The following GULP1 variants were observed in gnomAD, a reference collection of about 807,000 sequenced individuals.
GULP1 encodes the protein GULP PTB domain containing engulfment adaptor 1.
GULP1 carries 19 observed loss-of-function variants against 40.9 expected under a neutral mutation model. The observed-to-expected ratio is 0.46, with a 90% CI of 0.32 to 0.68. The LOEUF is 0.68. GULP1 is among the 30% of genes least tolerant of loss of function. The pLI, the probability that GULP1 is intolerant of heterozygous loss-of-function variation, is 0.03. For synonymous variants in GULP1, 119 were observed against 117.6 expected, an observed-to-expected ratio of 1.01 and a Z score of -0.08; for missense variants, 312 against 362.2, an observed-to-expected ratio of 0.86 and a Z score of 1.12.
chr2:188,478,741 T>C (rs1348030997), intron 3 of GULP1, among the ~76,000 whole-genome samples: 1 of 152,088 alleles, frequency 6.6e-6, no homozygotes, highest in Non-Finnish European at 1.5e-5. Context: ...TAAAAATGGC[T>C]GAAGAATAAA....
At chr2:188,389,529 C>A (rs1242344662) in intron 2 of GULP1, among the ~76,000 whole-genome samples, 1 of 152,016 alleles carries the variant, frequency 6.6e-6, no homozygotes, top group Non-Finnish European at 1.5e-5. Flanking sequence ...TATTATGAGT[C>A]TTAGTGTAAT....
At chr2:188,520,236 A>G (rs1263201977) in intron 4 of GULP1, among the ~76,000 whole-genome samples, 1 of 152,142 alleles carries the variant, frequency 6.6e-6, no homozygotes, top group Non-Finnish European at 1.5e-5. Context: ...TATTTCAAGC[A>G]TATTAAAAAA....
At chr2:188,360,483 G>A (rs972464620) in intron 1 of GULP1, among the ~76,000 whole-genome samples, 5 of 151,492 alleles carry the variant, frequency 3.3e-5, no homozygotes, top group African/African-American at 1.2e-4. Flanking sequence ...TCAAATCTTG[G>A]ATGCATCAAA....
intron 2 of GULP1, among the ~76,000 whole-genome samples, chr2:188,464,778 G>A (rs557487791): frequency 1.3e-5 from 2 of 152,294 alleles, no homozygotes; most frequent in East Asian, 1.9e-4. Context: ...GCCTCACCAT[G>A]TGGCCACTGC....
intron 2 of GULP1, among the ~76,000 whole-genome samples, chr2:188,442,638 C>G (rs771634352): frequency 5.3e-5 from 8 of 152,104 alleles, no homozygotes; most frequent in Non-Finnish European, 1.0e-4. Flanking sequence ...CTCACACTTT[C>G]TACTTAAATG....
chr2:188,413,198 C>A (rs200420580), intron 2 of GULP1, among the ~76,000 whole-genome samples: 3 of 152,174 alleles, frequency 2.0e-5, no homozygotes, highest in African/African-American at 7.2e-5. Flanking sequence ...GATGTGGCTT[C>A]TTCACATCAC....
At chr2:188,337,331 G>A (rs552683001) in intron 1 of GULP1, among the ~76,000 whole-genome samples, 2 of 151,174 alleles carry the variant, frequency 1.3e-5, no homozygotes, top group Non-Finnish European at 2.9e-5. Flanking sequence ...TAGAGATGGG[G>A]GTTTCATCAT....
At chr2:188,490,711 C>T (rs376568551) in intron 4 of GULP1, among the ~76,000 whole-genome samples, 2 of 152,064 alleles carry the variant, frequency 1.3e-5, no homozygotes, top group South Asian at 2.1e-4. Context: ...ACCTTCAGAG[C>T]ATCTAGTGAT....
intron 7 of GULP1, among the ~76,000 whole-genome samples, chr2:188,553,288 C>G (rs781361025): frequency 7.9e-5 from 12 of 151,878 alleles, no homozygotes; most frequent in Admixed American, 2.0e-4. Flanking sequence ...TTCAACATTT[C>G]TTCCTTCAGT....
intron 2 of GULP1, among the ~76,000 whole-genome samples, chr2:188,436,639 G>A (rs1398341847): frequency 6.6e-6 from 1 of 151,948 alleles, no homozygotes; most frequent in African/African-American, 2.4e-5. Flanking sequence ...TGTATTAAAA[G>A]TTATTTTTTA....
Position 188,386,049 on chromosome 2 carries a change from C to T in GULP1, c.-45+2160C>T, listed in dbSNP as rs543373413. Reference sequence around the variant, plus strand: ...TAGGTATCTTTTCAGCAGCATCCAACTCCTGGTACCAATTTACTGTATGAG... The same window carrying T: ...TAGGTATCTTTTCAGCAGCATCCAATTCCTGGTACCAATTTACTGTATGAG... On this transcript the variant is annotated intron_variant, in intron 2 of 11. Coordinates refer to ENST00000409830, the MANE Select transcript of GULP1 (RefSeq NM_016315.4). Among the ~76,000 whole-genome samples, 4 of 152,308 alleles carry T rather than the reference C, an allele frequency of 2.6e-5. No homozygotes were observed. The South Asian group carries it at 8.3e-4, about 32-fold the overall frequency.
intron 2 of GULP1, among the ~76,000 whole-genome samples, chr2:188,424,897 A>C (rs1406578910): frequency 2.0e-5 from 3 of 151,974 alleles, no homozygotes; most frequent in African/African-American, 7.2e-5. Context: ...ATTTCTTGTA[A>C]AATGTTAGCT....
intron 2 of GULP1, among the ~76,000 whole-genome samples, chr2:188,418,134 T>G (rs2054844506): frequency 2.0e-5 from 3 of 152,138 alleles, no homozygotes; most frequent in African/African-American, 7.2e-5. Context: ...TAAAAAAAAT[T>G]AAATTGAGGA....
At chr2:188,542,867 AC>A (rs1178841056) in intron 7 of GULP1, among the ~76,000 whole-genome samples, 2 of 152,108 alleles carry the variant, frequency 1.3e-5, no homozygotes, top group Non-Finnish European at 2.9e-5. Context: ...ACCTTTTACC[AC>A]CTACATAAAG....
intron 3 of GULP1, 94 bp from the exon 4 acceptor site, chr2:188,483,337 A>T (rs1001443255): frequency 1.8e-6 from 1 of 547,820 alleles, no homozygotes; most frequent in Non-Finnish European, 3.3e-6. Flanking sequence ...CAGAATTAGA[A>T]ATACTCTGTG....
chr2:188,452,200 TC>T (rs2058886968), intron 2 of GULP1, among the ~76,000 whole-genome samples: 1 of 152,172 alleles, frequency 6.6e-6, no homozygotes, highest in Admixed American at 6.5e-5. Flanking sequence ...GCTTTGTGAC[TC>T]CTCTTTTAAT....
At chr2:188,389,280 C>T (rs2050200708) in intron 2 of GULP1, among the ~76,000 whole-genome samples, 1 of 152,034 alleles carries the variant, frequency 6.6e-6, no homozygotes, top group Non-Finnish European at 1.5e-5. Context: ...ATTGCAATTC[C>T]TTATTGAGAA....
chr2:188,589,571 G>A (rs1231080671), intron 11 of GULP1: 4 of 399,310 alleles, frequency 1.0e-5, no homozygotes, highest in South Asian at 1.0e-4. Flanking sequence ...GGAGTTTTAA[G>A]GATAAGCCTC....
intron 4 of GULP1, among the ~76,000 whole-genome samples, chr2:188,493,593 C>T (rs1167319044): frequency 6.6e-6 from 1 of 152,054 alleles, no homozygotes; most frequent in African/African-American, 2.4e-5. Context: ...GTCTAGCAGA[C>T]ACATAACTTT....
Sources: gnomAD v4.1 joint callset for allele counts (sites outside exome capture counted in the v4.1 genomes callset) on GRCh38, gnomAD v4.1.1 for gene constraint, MANE v1.5 for transcripts, NCBI Gene and HGNC (gene_info 2026-07-23, HGNC 2026-07-21) for gene names.